SLFN11: variants seen among roughly 807,000 people sequenced by gnomAD.
SLFN11 encodes schlafen family member 11.
In SLFN11, 43 loss-of-function variants were observed where a neutral mutation model predicts 53.4. The ratio of observed to expected loss-of-function variants is 0.80; its 90% CI spans 0.63 to 1.04. The LOEUF is 1.04. SLFN11 is among the 50% of genes least tolerant of loss of function. The pLI is 0.00. For missense variants in SLFN11, 990 were observed against 1,079.1 expected, an observed-to-expected ratio of 0.92 and a Z score of 1.16; for synonymous variants, 389 against 394.7, an observed-to-expected ratio of 0.99 and a Z score of 0.17.
intron 1 of SLFN11, among the ~76,000 whole-genome samples, chr17:35,368,278 T>A (rs957343106): frequency 4.0e-5 from 6 of 151,804 alleles, no homozygotes; most frequent in African/African-American, 1.5e-4. Context: ...CCACCTACCA[T>A]CCCCCTTCTC....
intron 3 of SLFN11, among the ~76,000 whole-genome samples, chr17:35,365,603 C>T (rs1007758429): frequency 6.6e-6 from 1 of 152,054 alleles, no homozygotes; most frequent in African/African-American, 2.4e-5. Context: ...CTGACAAAAA[C>T]ATTTTAATAA....
At chr17:35,373,242 G>A (rs1013671780) in intron 1 of SLFN11, among the ~76,000 whole-genome samples, 14 of 65,604 alleles carry the variant, frequency 2.1e-4, no homozygotes, top group African/African-American at 8.8e-4. Context: ...GGCCCGCCCC[G>A]CCCCTAATGC....
chr17:35,368,909 C>T (rs922741766), intron 1 of SLFN11, among the ~76,000 whole-genome samples: 6 of 152,066 alleles, frequency 3.9e-5, no homozygotes, highest in Non-Finnish European at 8.8e-5. Flanking sequence ...AGAGAAACTG[C>T]TGCCTTAAAG....
At chr17:35,372,539 A>T (rs1362040311) in intron 1 of SLFN11, among the ~76,000 whole-genome samples, 1 of 152,118 alleles carries the variant, frequency 6.6e-6, no homozygotes. Context: ...TTCACATTGC[A>T]TGTCTGTATC....
Position 35,350,450 on chromosome 17 carries a change from T to A in SLFN11, c.*1906A>T, listed in dbSNP as rs963367160. ...ACAAAAATTCATAATTATTTATACA[T>A]TTTAAAATATTATATTGTTTCAAAT... On this transcript the variant is annotated 3_prime_UTR_variant, in exon 7 of 7. Coordinates refer to ENST00000685675, the MANE Select transcript of SLFN11 (RefSeq NM_001376007.1). 6.6e-6 allele frequency: 1 copy of A among 152,158 alleles called. No individual in the cohort carries two copies. The highest frequency in any genetic ancestry group is 6.5e-5 in the Admixed American group (1 of 15,278). 9.4% of individuals were successfully genotyped at this position (152,158 alleles called of 1,614,324 possible).
chr17:35,369,946 C>T (rs1419022959), intron 1 of SLFN11, among the ~76,000 whole-genome samples: 1 of 152,016 alleles, frequency 6.6e-6, no homozygotes, highest in East Asian at 1.9e-4. Context: ...TAAAGAAGAA[C>T]TAATATCAAT....
chr17:35,357,736 T>C (rs2141946330), intron 5 of SLFN11, among the ~76,000 whole-genome samples: 1 of 145,372 alleles, frequency 6.9e-6, no homozygotes, highest in East Asian at 2.0e-4. Context: ...ATATAAATAA[T>C]ATATATCATA....
Position 35,363,142 on chromosome 17 carries a change from G to A in SLFN11, c.666C>T (p.His222=), listed in dbSNP as rs757102281. The part of the protein sequence containing the change: ...LVEFKQFSTK[H]FQEYVKRTIP... ...TTGTCCTTTTTACATATTCTTGGAAGTGTTTTGTAGAGAACTGTTTAAACT... is the reference window on the plus strand; with the variant it reads ...TTGTCCTTTTTACATATTCTTGGAAATGTTTTGTAGAGAACTGTTTAAACT... Residue 222 remains histidine (H), a synonymous_variant, in exon 4 of 7, where the codon CAC becomes CAT. Coordinates refer to ENST00000685675, the MANE Select transcript of SLFN11 (RefSeq NM_001376007.1). The A allele has an allele frequency of 2.5e-6, 4 of 1,613,672 alleles. No individual in the cohort carries two copies. The highest frequency in any genetic ancestry group is 1.3e-5 in the African/African-American group (1 of 74,866).
At chr17:35,370,623 T>C (rs1436543674) in intron 1 of SLFN11, among the ~76,000 whole-genome samples, 1 of 151,938 alleles carries the variant, frequency 6.6e-6, no homozygotes, top group Non-Finnish European at 1.5e-5. Context: ...ACAAATTCAG[T>C]AAAGTTGCAG....
intron 5 of SLFN11, among the ~76,000 whole-genome samples, chr17:35,359,417 G>C (rs1245698397): frequency 6.6e-6 from 1 of 152,078 alleles, no homozygotes; most frequent in Non-Finnish European, 1.5e-5. Flanking sequence ...AATGATCCTT[G>C]ACAGATATTT....
chr17:35,361,907 A>C (rs1156987743), intron 4 of SLFN11, among the ~76,000 whole-genome samples: 1 of 151,880 alleles, frequency 6.6e-6, no homozygotes, highest in East Asian at 1.9e-4. Flanking sequence ...ACCACGTCTG[A>C]CTAATTTTTC....
At position 35,363,234 on chromosome 17, in the gene SLFN11, G is replaced by C; in HGVS notation, c.574C>G (p.Leu192Val). Residue 192 changes from leucine (L) to valine (V), a missense_variant, in exon 4 of 7, where the codon CTA (leucine) becomes GTA (valine). Physicochemically the swap from Leu to Val is conservative, Grantham distance 32. Around this residue, in one of 3 missense-constraint regions of SLFN11, gnomAD observed 521 missense variants for 516.2 expected, o/e 1.01. Transcript: ENST00000685675. The stretch of plus-strand genomic sequence containing the variant: ...TCAAGATAGTCTTTTTGGAAAATTA[G>C]GTCAGCAGGATCCGAGTTTGGGTCA... ...PADPNSDPAD[L>V]IFQKDYLEYG... The C allele has an allele frequency of 1.2e-6, 2 of 1,614,042 alleles. No homozygotes were observed. Among genetic ancestry groups the C allele is most frequent in the South Asian group, 2.2e-5 (2 of 91,078 alleles).
chr17:35,363,597 C>A lies in SLFN11; in HGVS notation c.211G>T (p.Val71Leu). Residue 71 changes from valine to leucine, a missense_variant, in exon 4 of 7, where the codon GTG becomes TTG. Physicochemically the swap from Val to Leu is conservative, Grantham distance 32. This residue lies in a region of SLFN11 where 521 missense variants were observed against 516.2 expected (regional missense o/e 1.01). Coordinates refer to ENST00000685675, the MANE Select transcript of SLFN11 (RefSeq NM_001376007.1). ...TGTTCTAAATCCAGTCCCATCTCCA[C>A]GGGATGCTCAACCTTCTTGGCCATT... ...IRMAKKVEHP[V>L]EMGLDLEQSL... 2 of 1,613,732 alleles carry A rather than the reference C, an allele frequency of 1.2e-6. No individual in the cohort carries two copies. The highest frequency in any genetic ancestry group is 1.7e-6 in the Non-Finnish European group (2 of 1,179,872).
Position 35,353,405 on chromosome 17 carries a change from T to C in SLFN11, c.1853A>G (p.Asn618Ser), listed in dbSNP as rs1401724044. ...TCTGTGTGCCTCACAGTGAAACACA[T>C]TCCTGATCTTCTCCATGATCTTCAT... ...MAMKIMEKIR[N>S]VFHCEAHRIL... The change falls in exon 6 of 7, where the codon AAT becomes AGT. Residue 618 changes from asparagine (N) to serine (S), a missense_variant. Transcript: ENST00000685675. 1.2e-6 allele frequency: 2 copies of C among 1,606,466 alleles called. No individual in the cohort carries two copies. The highest frequency in any genetic ancestry group is 2.2e-5 in the East Asian group (1 of 44,804).
chr17:35,366,370 C>T (rs903573524), intron 3 of SLFN11, among the ~76,000 whole-genome samples: 3 of 152,038 alleles, frequency 2.0e-5, no homozygotes, highest in African/African-American at 7.2e-5. Flanking sequence ...TAACCGATAT[C>T]ACTATTTGAA....
In SLFN11 at chr17:35,353,648, G is replaced by A. The variant is rs1341337844; in HGVS notation, c.1610C>T (p.Ala537Val). Residue 537 changes from alanine to valine, a missense_variant, in exon 6 of 7, where the codon GCG becomes GTG. Ala to Val is a moderately conservative substitution (Grantham distance 64, BLOSUM62 0). Transcript: ENST00000685675. ...EAAVSPMDYP[A>V]SYSLAGTQHM... ...CTGGGTGCCTGCAAGGCTATAGGAC[G>A]CAGGGTAATCCATCGGAGACACTGC... The A allele has an allele frequency of 9.6e-6, 11 of 1,147,774 alleles. No individual in the cohort carries two copies. The highest frequency in any genetic ancestry group is 6.6e-5 in the South Asian group (4 of 61,026). The allele number at this position is 1,147,774 out of a possible 1,614,324, so 71.1% of individuals were successfully genotyped here. A position where few individuals can be genotyped will look rare whatever the true frequency, so the allele number is the denominator to read the frequency against.
In SLFN11 at chr17:35,366,567, A is replaced by T. The variant is rs1048628952; in HGVS notation, c.-20+380T>A. On this transcript the variant is annotated intron_variant, in intron 3 of 6. Transcript: ENST00000685675. ...ATCAGTAAATTCATAAACTATTTTGAAGTCATCAAGGATATATACAATATG... is the reference window on the plus strand; with the variant it reads ...ATCAGTAAATTCATAAACTATTTTGTAGTCATCAAGGATATATACAATATG... Among the ~76,000 whole-genome samples, 4 of 152,278 alleles carry T rather than the reference A, an allele frequency of 2.6e-5. No individual in the cohort carries two copies. In the South Asian group the frequency reaches 8.3e-4, roughly 32 times the overall value.
intron 5 of SLFN11, among the ~76,000 whole-genome samples, chr17:35,357,582 T>A (rs987694254): frequency 4.6e-5 from 7 of 151,194 alleles, no homozygotes; most frequent in African/African-American, 1.7e-4. Context: ...TTTCTCTACT[T>A]ACTTGCAAGG....
rs984592663 is a variant in SLFN11 at position 35,373,621 on chromosome 17, C to T, written c.-382G>A. Reference sequence around the variant, plus strand: ...CGCTTCCGAAGCCCCCTTAGCGTTTCCCTGGAGGCGCCCAGGTCGAGTCCT... The same window carrying T: ...CGCTTCCGAAGCCCCCTTAGCGTTTTCCTGGAGGCGCCCAGGTCGAGTCCT... On this transcript the variant is annotated 5_prime_UTR_variant, in exon 1 of 7. Coordinates refer to ENST00000685675, the MANE Select transcript of SLFN11 (RefSeq NM_001376007.1). The T allele has an allele frequency of 9.2e-5, 14 of 152,004 alleles. No individual in the cohort carries two copies. Among genetic ancestry groups the T allele is most frequent in the African/African-American group, 3.4e-4 (14 of 41,388 alleles). The allele number at this position is 152,004 out of a possible 1,614,324, so 9.4% of individuals were successfully genotyped here.
Sources: gnomAD v4.1 joint callset for allele counts (sites outside exome capture counted in the v4.1 genomes callset) on GRCh38, gnomAD v4.1.1 for gene constraint, gnomAD v4.1.1 regional missense constraint, MANE v1.5 for transcripts, NCBI Gene and HGNC (gene_info 2026-07-23, HGNC 2026-07-21) for gene names.